Variants in CFAP299 observed in about 807,000 individuals in gnomAD.
CFAP299 encodes cilia and flagella associated protein 299, also known as cilia- and flagella-associated protein 299.
Under a neutral mutation model 27.0 loss-of-function variants are expected in CFAP299, and 21 were observed. The observed-to-expected ratio is 0.78, with a 90% CI of 0.55 to 1.12. The LOEUF is 1.12. CFAP299 is among the 50% of genes most tolerant of loss of function. The probability of loss-of-function intolerance (pLI) is 0.00; values close to 1 mark genes in which losing one functional copy is unlikely to be tolerated. For missense variants in CFAP299, 310 were observed against 276.6 expected, an observed-to-expected ratio of 1.12 and a Z score of -0.86; for synonymous variants, 104 against 98.1, an observed-to-expected ratio of 1.06 and a Z score of -0.36.
intron 3 of CFAP299, among the ~76,000 whole-genome samples, chr4:80,660,130 C>T (rs1252878855): frequency 1.3e-5 from 2 of 151,976 alleles, no homozygotes; most frequent in Non-Finnish European, 2.9e-5. Context: ...TTAATCAAAT[C>T]AGTTTACAGG....
At chr4:80,376,102 C>T (rs1017949707) in intron 2 of CFAP299, among the ~76,000 whole-genome samples, 1 of 152,160 alleles carries the variant, frequency 6.6e-6, no homozygotes, top group Non-Finnish European at 1.5e-5. Context: ...TAGCCCCTGA[C>T]AAACCAGCCA....
intron 4 of CFAP299, among the ~76,000 whole-genome samples, chr4:80,901,167 C>T (rs1018545517): frequency 6.6e-6 from 1 of 151,952 alleles, no homozygotes; most frequent in Non-Finnish European, 1.5e-5. Flanking sequence ...GGTGCACAGG[C>T]GTTATGGAGG....
intron 2 of CFAP299, among the ~76,000 whole-genome samples, chr4:80,563,715 A>G (rs2110224918): frequency 6.6e-6 from 1 of 152,242 alleles, no homozygotes; most frequent in Non-Finnish European, 1.5e-5. Context: ...GAAATAAAGG[A>G]AATTGAAATG....
intron 5 of CFAP299, among the ~76,000 whole-genome samples, chr4:80,954,385 G>A (rs1737942978): frequency 6.6e-6 from 1 of 152,130 alleles, no homozygotes; most frequent in Admixed American, 6.5e-5. Context: ...CCAAAGCAGA[G>A]TGAGAGTTGA....
intron 2 of CFAP299, among the ~76,000 whole-genome samples, chr4:80,535,653 T>C (rs1312897162): frequency 6.6e-6 from 1 of 152,100 alleles, no homozygotes; most frequent in African/African-American, 2.4e-5. Context: ...GGTACAGAAA[T>C]CTCAAAAAAC....
At chr4:80,457,592 A>G (rs932082852) in intron 2 of CFAP299, among the ~76,000 whole-genome samples, 2 of 152,200 alleles carry the variant, frequency 1.3e-5, no homozygotes, top group Non-Finnish European at 2.9e-5. Context: ...ATCTATTGCT[A>G]TAAAATCCAA....
chr4:80,564,847 C>G (rs897485534), intron 2 of CFAP299, among the ~76,000 whole-genome samples: 3 of 151,738 alleles, frequency 2.0e-5, no homozygotes, highest in East Asian at 1.9e-4. Flanking sequence ...AAGTCAGCAA[C>G]CTTCCTATAT....
chr4:80,917,008 G>A (rs1300827202), intron 4 of CFAP299, among the ~76,000 whole-genome samples: 3 of 152,084 alleles, frequency 2.0e-5, no homozygotes. Flanking sequence ...GTCAATATCA[G>A]CAACATTTGG....
At chr4:80,390,571 A>G (rs1382835412) in intron 2 of CFAP299, among the ~76,000 whole-genome samples, 2 of 139,136 alleles carry the variant, frequency 1.4e-5, no homozygotes, top group African/African-American at 5.2e-5. Flanking sequence ...GTATATATGT[A>G]TACACACATA....
intron 2 of CFAP299, among the ~76,000 whole-genome samples, chr4:80,470,265 G>T (rs946062617): frequency 6.6e-6 from 1 of 151,942 alleles, no homozygotes; most frequent in African/African-American, 2.4e-5. Context: ...CAAAGCACTA[G>T]GCAAGTTTAA....
At chr4:80,777,492 T>A (rs1216610568) in intron 3 of CFAP299, among the ~76,000 whole-genome samples, 1 of 152,080 alleles carries the variant, frequency 6.6e-6, no homozygotes, top group African/African-American at 2.4e-5. Context: ...CTCCCAAATT[T>A]CTCAGCCTGG....
intron 4 of CFAP299, chr4:80,872,997 C>A (rs1373689455): frequency 1.0e-6 from 1 of 981,888 alleles, no homozygotes; most frequent in African/African-American, 1.8e-5. Context: ...TTAAACTTTA[C>A]CTCTGCAGTT....
At chr4:80,670,697 G>C (rs1363466909) in intron 3 of CFAP299, among the ~76,000 whole-genome samples, 1 of 152,118 alleles carries the variant, frequency 6.6e-6, no homozygotes, top group Non-Finnish European at 1.5e-5. Context: ...GGTGTGAGAT[G>C]GTATCTCATT....
chr4:80,361,008 C>T (rs909762392), intron 1 of CFAP299, among the ~76,000 whole-genome samples: 1 of 152,204 alleles, frequency 6.6e-6, no homozygotes, highest in African/African-American at 2.4e-5. Context: ...GGGCATTGTA[C>T]TTCCTTTGGG....
chr4:80,469,934 T>C (rs758253490), intron 2 of CFAP299, among the ~76,000 whole-genome samples: 2 of 152,096 alleles, frequency 1.3e-5, no homozygotes, highest in African/African-American at 4.8e-5. Context: ...AGTAAAAACA[T>C]AAAATTGAGC....
rs185397738 is a variant in CFAP299, at chr4:80,671,146, C to T, written c.333+87963C>T. On this transcript the variant is annotated intron_variant, in intron 3 of 5. Coordinates refer to ENST00000358105, the MANE Select transcript of CFAP299 (RefSeq NM_152770.3). ...AGGTCTCACCTTTAAGTATTTAATCCATCTTGAATTAATTTTTGTATAAGG... is the reference window on the plus strand; with the variant it reads ...AGGTCTCACCTTTAAGTATTTAATCTATCTTGAATTAATTTTTGTATAAGG... Among the ~76,000 whole-genome samples, 770 of 152,200 alleles carry T rather than the reference C, an allele frequency of 5.1e-3. 5 individuals are homozygous for T. Among genetic ancestry groups the T allele is most frequent in the Middle Eastern group, 0.02 (6 of 294 alleles).
intron 5 of CFAP299, 142 bp downstream of exon 5, chr4:80,945,081 T>G (rs989538618): frequency 1.3e-6 from 1 of 744,252 alleles, no homozygotes; most frequent in African/African-American, 1.8e-5. Flanking sequence ...TTAGAGCATG[T>G]ACTACCTTTT....
At chr4:80,875,454 G>C (rs1483287080) in intron 4 of CFAP299, among the ~76,000 whole-genome samples, 2 of 152,072 alleles carry the variant, frequency 1.3e-5, no homozygotes, top group East Asian at 1.9e-4. Flanking sequence ...AAGGTCAAGA[G>C]TTCGAGACCA....
intron 3 of CFAP299, among the ~76,000 whole-genome samples, chr4:80,678,168 T>A (rs1001201674): frequency 1.3e-5 from 2 of 152,032 alleles, no homozygotes; most frequent in African/African-American, 2.4e-5. Context: ...GTTTTAATTG[T>A]CTCCTCTTCT....
Sources: gnomAD v4.1 joint callset for allele counts (sites outside exome capture counted in the v4.1 genomes callset) on GRCh38, gnomAD v4.1.1 for gene constraint, MANE v1.5 for transcripts, NCBI Gene and HGNC (gene_info 2026-07-23, HGNC 2026-07-21) for gene names.